KHDRBS2: variants seen among roughly 807,000 people sequenced by gnomAD.
KHDRBS2 encodes KH RNA binding domain containing, signal transduction associated 2.
KHDRBS2 carries 26 observed loss-of-function variants against 44.3 expected under a neutral mutation model. That is an observed-to-expected ratio of 0.59 (90% CI 0.43 to 0.81). KHDRBS2 has a LOEUF of 0.81. Among genes scored for constraint, KHDRBS2 ranks in the 40% least tolerant of loss-of-function variants. KHDRBS2 has a pLI of 0.00. For synonymous variants in KHDRBS2, 194 were observed against 151.1 expected (o/e 1.28, Z -2.08); for missense variants, 476 against 433.1 (o/e 1.10, Z -0.88).
chr6:61,760,161 G>A (rs541392738), intron 6 of KHDRBS2, among the ~76,000 whole-genome samples: 9 of 152,100 alleles, frequency 5.9e-5, no homozygotes, highest in South Asian at 2.1e-4. Context: ...CTAAACATCC[G>A]GAAGACATTT....
At chr6:61,784,939 A>G (rs925911106) in intron 6 of KHDRBS2, among the ~76,000 whole-genome samples, 1 of 152,102 alleles carries the variant, frequency 6.6e-6, no homozygotes, top group Non-Finnish European at 1.5e-5. Context: ...GCTTCAGCCT[A>G]GGAGTTTGAA....
At chr6:61,764,960 G>A (rs201802696) in intron 6 of KHDRBS2, among the ~76,000 whole-genome samples, 3 of 151,518 alleles carry the variant, frequency 2.0e-5, no homozygotes, top group Non-Finnish European at 4.4e-5. Flanking sequence ...AAACTTAATA[G>A]TTAAATTAAA....
the KHDRBS2 span, among the ~76,000 whole-genome samples, chr6:61,636,013 T>G: frequency 5.9e-5 from 9 of 152,026 alleles, no homozygotes; most frequent in Non-Finnish European, 1.2e-4. Flanking sequence ...TAGAGTTAAC[T>G]TTTTCACTTG....
At chr6:61,955,363 C>A (rs1222312443) in intron 4 of KHDRBS2, among the ~76,000 whole-genome samples, 1 of 119,376 alleles carries the variant, frequency 8.4e-6, no homozygotes, top group East Asian at 2.9e-4. Context: ...TATATGTATA[C>A]ATATACGTGT....
At chr6:62,284,224 T>C (rs1336851659) in intron 1 of KHDRBS2, among the ~76,000 whole-genome samples, 1 of 152,166 alleles carries the variant, frequency 6.6e-6, no homozygotes, top group Non-Finnish European at 1.5e-5. Flanking sequence ...CAATAACTCA[T>C]ATTAATGACT....
chr6:62,057,629 G>C (rs139048561), intron 2 of KHDRBS2, among the ~76,000 whole-genome samples: 94 of 152,008 alleles, frequency 6.2e-4, no homozygotes, highest in African/African-American at 2.2e-3. Context: ...CTACACACCA[G>C]TGTCTTCAAT....
intron 6 of KHDRBS2, among the ~76,000 whole-genome samples, chr6:61,836,326 T>C (rs945037791): frequency 1.3e-5 from 2 of 151,906 alleles, no homozygotes; most frequent in African/African-American, 4.8e-5. Flanking sequence ...CACACGCAGG[T>C]TTCCCTTAAG....
intron 6 of KHDRBS2, among the ~76,000 whole-genome samples, chr6:61,827,151 C>A (rs1057230856): frequency 2.6e-5 from 4 of 152,134 alleles, no homozygotes; most frequent in Admixed American, 6.5e-5. Flanking sequence ...TATAGTTTCA[C>A]CCATTAGGTA....
At chr6:61,740,298 T>C (rs1165964938) in intron 6 of KHDRBS2, among the ~76,000 whole-genome samples, 2 of 151,946 alleles carry the variant, frequency 1.3e-5, no homozygotes, top group Non-Finnish European at 1.5e-5. Context: ...TGAAACTAAA[T>C]TGTGTTTTGT....
At chr6:61,830,684 T>C (rs1421129496) in intron 6 of KHDRBS2, among the ~76,000 whole-genome samples, 2 of 152,196 alleles carry the variant, frequency 1.3e-5, no homozygotes, top group Non-Finnish European at 2.9e-5. Context: ...GGTTTCCCAT[T>C]TGAGGTCTAA....
the KHDRBS2 span, among the ~76,000 whole-genome samples, chr6:61,561,840 C>G: frequency 1.3e-5 from 2 of 152,102 alleles, no homozygotes; most frequent in East Asian, 1.9e-4. Flanking sequence ...CATATTTGGT[C>G]TTCATTTTAT....
chr6:62,075,369 T>A (rs1796128547), intron 2 of KHDRBS2, among the ~76,000 whole-genome samples: 1 of 151,944 alleles, frequency 6.6e-6, no homozygotes. Context: ...GCTTTGATTA[T>A]GGACCCCACA....
chr6:61,973,696 C>T (rs1583888876), intron 4 of KHDRBS2, among the ~76,000 whole-genome samples: 1 of 151,584 alleles, frequency 6.6e-6, no homozygotes, highest in African/African-American at 2.4e-5. Flanking sequence ...CACACGTTTA[C>T]ATAAGTATAT....
chr6:61,553,013 C>T, the KHDRBS2 span, among the ~76,000 whole-genome samples: 18 of 152,062 alleles, frequency 1.2e-4, no homozygotes, highest in Non-Finnish European at 2.4e-4. Flanking sequence ...TGATGGTGGC[C>T]TCATAGAATG....
the KHDRBS2 span, among the ~76,000 whole-genome samples, chr6:61,614,838 A>G: frequency 6.6e-6 from 1 of 152,186 alleles, no homozygotes; most frequent in African/African-American, 2.4e-5. Flanking sequence ...TAAGAGCTCT[A>G]TGACTTAAGC....
At chr6:62,203,316 T>C (rs2150139847) in intron 1 of KHDRBS2, among the ~76,000 whole-genome samples, 1 of 152,218 alleles carries the variant, frequency 6.6e-6, no homozygotes, top group South Asian at 2.1e-4. Flanking sequence ...ACAGATAGGA[T>C]GCCAGTGCAA....
At chr6:62,094,063 C>G (rs1483617213) in intron 2 of KHDRBS2, among the ~76,000 whole-genome samples, 1 of 151,722 alleles carries the variant, frequency 6.6e-6, no homozygotes, top group African/African-American at 2.4e-5. Context: ...ATTGCTAGAC[C>G]TTATGATAAT....
chr6:61,815,123 A>C (rs1017660185), intron 6 of KHDRBS2, among the ~76,000 whole-genome samples: 2 of 151,654 alleles, frequency 1.3e-5, no homozygotes, highest in African/African-American at 4.8e-5. Flanking sequence ...TTTCCACCCC[A>C]GGTTGGTTGA....
At chr6:62,201,539 C>T (rs1439721741) in intron 1 of KHDRBS2, among the ~76,000 whole-genome samples, 1 of 151,970 alleles carries the variant, frequency 6.6e-6, no homozygotes, top group East Asian at 1.9e-4. Flanking sequence ...ACAAATTTCA[C>T]AAATGAAATC....
Sources: allele counts gnomAD v4.1 joint callset (sites outside exome capture counted in the v4.1 genomes callset), GRCh38; gene constraint gnomAD v4.1.1; transcripts MANE v1.5; gene names NCBI Gene and HGNC (gene_info 2026-07-23, HGNC 2026-07-21).